SLC30A6: variants seen among roughly 807,000 people sequenced by gnomAD.
SLC30A6 encodes the protein solute carrier family 30 member 6.
Under a neutral mutation model 63.0 loss-of-function variants are expected in SLC30A6, and 55 were observed. The ratio of observed to expected loss-of-function variants is 0.87; its 90% confidence interval spans 0.70 to 1.09. The LOEUF (loss-of-function observed/expected upper bound fraction) is 1.09, where lower values mean the gene tolerates loss of function less well. Ranked by LOEUF, SLC30A6 falls within the 50% of genes least tolerant of loss-of-function variation. The pLI is 0.00. For synonymous variants in SLC30A6, 224 were observed against 186.1 expected (o/e 1.20, Z -1.66); for missense variants, 587 against 549.2 (o/e 1.07, Z -0.69).
intron 13 of SLC30A6, 99 bp from the exon 14 acceptor site, chr2:32,220,114 C>T: frequency 5.1e-6 from 7 of 1,359,762 alleles, no homozygotes; most frequent in Non-Finnish European, 6.9e-6. Flanking sequence ...AAAGAAAATG[C>T]CAGGAACTTA....
Position 32,193,045 on chromosome 2 carries a change from C to G in SLC30A6, c.401+92C>G, listed in dbSNP as rs997740352. The G allele has an allele frequency of 4.9e-6, 4 of 812,796 alleles. No homozygotes were observed. The East Asian group carries it at 1.2e-4, about 25-fold the overall frequency. The allele number at this position is 812,796 out of a possible 1,614,324, so 50.3% of individuals were successfully genotyped here. A position where few individuals can be genotyped will look rare whatever the true frequency, so the allele number is the denominator to read the frequency against. ...CAGTTGGCCAATGTCAGATTTCAGA[C>G]TGTGGCAACATAACGTTTTTGCTGG... is the stretch of plus-strand genomic sequence containing the variant. On this transcript the variant is annotated intron_variant, in intron 7 of 13. Coordinates refer to ENST00000282587, the MANE Select transcript of SLC30A6 (RefSeq NM_017964.5).
intron 10 of SLC30A6, chr2:32,202,855 GA>G: frequency 1.1e-6 from 1 of 897,946 alleles, no homozygotes; most frequent in Non-Finnish European, 1.9e-6. Flanking sequence ...GATGTTTTTG[GA>G]AAAATGACTC....
chr2:32,179,416 T>G (rs2148819473), intron 4 of SLC30A6, among the ~76,000 whole-genome samples: 1 of 152,302 alleles, frequency 6.6e-6, no homozygotes, highest in African/African-American at 2.4e-5. Context: ...TATTTTGGTA[T>G]GTATATATCA....
At chr2:32,167,284 A>G (rs937729421) in intron 1 of SLC30A6, among the ~76,000 whole-genome samples, 3 of 151,900 alleles carry the variant, frequency 2.0e-5, no homozygotes, top group African/African-American at 7.3e-5. Context: ...CATGTTGGTC[A>G]GGCTGATCGC....
intron 10 of SLC30A6, among the ~76,000 whole-genome samples, chr2:32,199,872 T>C (rs1028276896): frequency 6.6e-6 from 1 of 152,148 alleles, no homozygotes; most frequent in Non-Finnish European, 1.5e-5. Context: ...CCCAGCACTT[T>C]GGGAAGCCGA....
intron 10 of SLC30A6, chr2:32,203,982 C>T (rs778836573): frequency 1.3e-4 from 94 of 735,300 alleles, no homozygotes; most frequent in Non-Finnish European, 1.8e-4. Flanking sequence ...GAAGTGGGAG[C>T]CACAAACGGA....
intron 3 of SLC30A6, among the ~76,000 whole-genome samples, chr2:32,175,049 A>G (rs568379061): frequency 1.3e-5 from 2 of 152,304 alleles, no homozygotes; most frequent in South Asian, 2.1e-4. Context: ...TTACAGAAGC[A>G]GGCAGAAAAA....
At chr2:32,200,801 C>G (rs952697789) in intron 10 of SLC30A6, among the ~76,000 whole-genome samples, 3 of 151,384 alleles carry the variant, frequency 2.0e-5, no homozygotes, top group Non-Finnish European at 4.4e-5. Flanking sequence ...CCAAGTCCCC[C>G]TCTGCGAGAA....
At chr2:32,197,315 T>C in intron 8 of SLC30A6, 29 bp from the exon 9 acceptor site, 1 of 1,587,306 alleles carries the variant, frequency 6.3e-7, no homozygotes, top group South Asian at 1.1e-5. Context: ...TTCTTCTATA[T>C]AGATAATTTA....
chr2:32,224,225 T>A lies in SLC30A6; in HGVS notation c.*3512T>A. The A allele has an allele frequency of 2.6e-6, 1 of 377,984 alleles. No individual in the cohort carries two copies. The highest frequency in any genetic ancestry group is 2.1e-5 in the African/African-American group (1 of 48,422). The allele number at this position is 377,984 out of a possible 1,614,324, so 23.4% of individuals were successfully genotyped here. ...TGCCAGGCACTATACTAAGTTAATA[T>A]GCATTCAGTATACCAGTTGGTGTGA... On this transcript the variant is annotated 3_prime_UTR_variant, in exon 14 of 14. Transcript: ENST00000282587.
At chr2:32,194,619 A>T (rs755676491) in intron 8 of SLC30A6, among the ~76,000 whole-genome samples, 1 of 152,214 alleles carries the variant, frequency 6.6e-6, no homozygotes, top group African/African-American at 2.4e-5. Flanking sequence ...TAGAAGTGGG[A>T]TGTGTGCACA....
chr2:32,177,757 G>T (rs1681903303), intron 4 of SLC30A6, among the ~76,000 whole-genome samples: 1 of 150,944 alleles, frequency 6.6e-6, no homozygotes, highest in Non-Finnish European at 1.5e-5. Flanking sequence ...GCCTCCCAAA[G>T]TGCTGGGATT....
chr2:32,196,435 A>C (rs184617304), intron 8 of SLC30A6, among the ~76,000 whole-genome samples: 6 of 152,190 alleles, frequency 3.9e-5, no homozygotes, highest in Admixed American at 3.9e-4. Context: ...AACCTATTTA[A>C]TTCTAGCCAG....
At chr2:32,187,088 G>A in intron 5 of SLC30A6, 1 of 458,214 alleles carries the variant, frequency 2.2e-6, no homozygotes, top group South Asian at 1.6e-5. Flanking sequence ...AAACTACTGT[G>A]GGAAGACAGT....
intron 2 of SLC30A6, among the ~76,000 whole-genome samples, chr2:32,172,298 T>G (rs1194999223): frequency 6.6e-6 from 1 of 152,204 alleles, no homozygotes; most frequent in Non-Finnish European, 1.5e-5. Flanking sequence ...TGCCATATTT[T>G]CACTATTTTT....
intron 2 of SLC30A6, among the ~76,000 whole-genome samples, chr2:32,172,881 T>G (rs1480746163): frequency 1.3e-5 from 2 of 152,210 alleles, no homozygotes; most frequent in Non-Finnish European, 2.9e-5. Flanking sequence ...GCTTCCTGTT[T>G]CACCAAGGGA....
chr2:32,200,943 C>A (rs1684238879), intron 10 of SLC30A6, among the ~76,000 whole-genome samples: 1 of 152,174 alleles, frequency 6.6e-6, no homozygotes, highest in South Asian at 2.1e-4. Flanking sequence ...CCTTACTAAC[C>A]ATCCATCTAT....
intron 4 of SLC30A6, among the ~76,000 whole-genome samples, chr2:32,178,626 C>T (rs1032752678): frequency 5.9e-5 from 9 of 152,124 alleles, no homozygotes; most frequent in African/African-American, 1.4e-4. Flanking sequence ...GTAAGTGAGC[C>T]GGAATCGCAC....
At chr2:32,203,227 T>C (rs1013454297) in intron 10 of SLC30A6, 1 of 1,048,322 alleles carries the variant, frequency 9.5e-7, no homozygotes, top group South Asian at 1.3e-5. Context: ...TCCATCGTTC[T>C]GGACGCACAG....
Sources: allele counts gnomAD v4.1 joint callset (sites outside exome capture counted in the v4.1 genomes callset), GRCh38; gene constraint gnomAD v4.1.1; transcripts MANE v1.5; gene names NCBI Gene and HGNC (gene_info 2026-07-23, HGNC 2026-07-21).